Variants in COL27A1 observed in about 807,000 individuals in gnomAD.
The protein encoded by COL27A1 is collagen alpha-1(XXVII) chain.
In COL27A1, 106 loss-of-function variants were observed where a neutral mutation model predicts 251.3. The ratio of observed to expected loss-of-function variants is 0.42; its 90% CI spans 0.36 to 0.50. The LOEUF is 0.50. Among genes scored for constraint, COL27A1 ranks in the 20% least tolerant of loss-of-function variants. COL27A1 has a pLI of 0.00. For synonymous variants in COL27A1, 1,000 were observed against 986.3 expected (o/e 1.01, Z -0.26); for missense variants, 2,325 against 2,522.8 (o/e 0.92, Z 1.68).
Position 114,310,636 on chromosome 9 carries a change from C to T in COL27A1, c.5524C>T (p.Pro1842Ser), listed in dbSNP as rs754742439. 34 of 1,614,216 alleles carry T rather than the reference C, an allele frequency of 2.1e-5. No individual in the cohort carries two copies. The highest frequency in any genetic ancestry group is 2.4e-5 in the Non-Finnish European group (28 of 1,180,038). Residue 1842 changes from proline (P) to serine (S), a missense_variant, in exon 61 of 61, where the codon CCT becomes TCT. Physicochemically the swap from Pro to Ser is moderately conservative, Grantham distance 74. Coordinates refer to ENST00000356083, the MANE Select transcript of COL27A1 (RefSeq NM_032888.4). ...GCCCATCATCAGTGTGGACAACCTC[C>T]CTCCTGCCTCATCAGGGAAGCAGTA... ...QLPIISVDNLPPASSGKQYRL... is the reference protein window; with the variant it reads ...QLPIISVDNLSPASSGKQYRL...
rs369582550 is a variant in COL27A1, at chr9:114,235,576, C to T, written c.2566-23C>T. 14 of 1,608,646 alleles carry T rather than the reference C, an allele frequency of 8.7e-6. No homozygotes were observed. In the African/African-American group the frequency reaches 1.9e-4, roughly 22 times the overall value. ...GAACCCACGTGGCCTCCATTGTAAC[C>T]TTCTTTGCTGGTGTGTACTTAGGGT... On this transcript the variant is annotated intron_variant, in intron 16 of 60. Transcript: ENST00000356083.
At position 114,168,820 on chromosome 9, in the gene COL27A1, C is replaced by T; in HGVS notation, c.1265C>T (p.Ala422Val). 4 of 1,614,056 alleles carry T rather than the reference C, an allele frequency of 2.5e-6. No homozygotes were observed. The highest frequency in any genetic ancestry group is 3.4e-6 in the Non-Finnish European group (4 of 1,180,026). Residue 422 changes from alanine (A) to valine (V), a missense_variant, in exon 3 of 61, where the codon GCA becomes GTA. Ala to Val is a moderately conservative substitution (Grantham distance 64). Coordinates refer to ENST00000356083, the MANE Select transcript of COL27A1 (RefSeq NM_032888.4). ...GTTCCTGCCAGAGTCTCCCGTCCCG[C>T]AGAGAAGCCCATCCAGAGGAACCCG... ...RPVPARVSRP[A>V]EKPIQRNPGM...
intron 34 of COL27A1, among the ~76,000 whole-genome samples, chr9:114,268,132 C>T (rs1387140752): frequency 1.3e-5 from 2 of 152,216 alleles, no homozygotes; most frequent in Non-Finnish European, 2.9e-5. Flanking sequence ...GTCCCAAAAT[C>T]CCTTGCTCAA....
rs200504966 is a variant in COL27A1 at position 114,206,303 on chromosome 9, G to T, written c.2268+7G>T. 6 of 1,614,118 alleles carry T rather than the reference G, an allele frequency of 3.7e-6. No individual in the cohort carries two copies. In the African/African-American group the frequency reaches 5.3e-5, roughly 14 times the overall value. On this transcript the variant is annotated splice_region_variant and intron_variant, in intron 10 of 60. Coordinates refer to ENST00000356083, the MANE Select transcript of COL27A1 (RefSeq NM_032888.4). ...CGGCCCCAAAGGCAGCAGGGTAAGT[G>T]GTTCCTGGCCAGTGCCACATGGGTG...
At chr9:114,237,099 G>A in intron 18 of COL27A1, 65 bp downstream of exon 18, 1 of 1,455,316 alleles carries the variant, frequency 6.9e-7, no homozygotes, top group African/African-American at 1.4e-5. Context: ...TAATGTGGCT[G>A]GGGACACCTT....
chr9:114,307,455 T>C (rs1006706527), intron 58 of COL27A1: 1 of 565,030 alleles, frequency 1.8e-6, no homozygotes, highest in Non-Finnish European at 3.2e-6. Context: ...TACTTAGCCA[T>C]GTGACCCCTC....
chr9:114,286,269 C>T (rs1339347975), intron 41 of COL27A1, among the ~76,000 whole-genome samples: 1 of 152,190 alleles, frequency 6.6e-6, no homozygotes, highest in Non-Finnish European at 1.5e-5. Flanking sequence ...GTGCAGAGTT[C>T]TTTCCCTGCC....
intron 51 of COL27A1, 148 bp from the exon 52 acceptor site, chr9:114,300,924 A>C (rs1332679790): frequency 3.7e-6 from 3 of 820,140 alleles, no homozygotes; most frequent in Non-Finnish European, 5.8e-6. Flanking sequence ...GGCACAAATG[A>C]GGGGCTCAGG....
intron 10 of COL27A1, 125 bp from the exon 11 acceptor site, chr9:114,209,550 A>G: frequency 1.1e-6 from 1 of 888,746 alleles, no homozygotes; most frequent in Non-Finnish European, 1.9e-6. Flanking sequence ...CGGAGCTGCC[A>G]CTGCCACCAG....
chr9:114,306,259 C>G (rs928424956), intron 57 of COL27A1: 5 of 391,936 alleles, frequency 1.3e-5, no homozygotes, highest in Non-Finnish European at 2.3e-5. Flanking sequence ...TCACGGGGCT[C>G]TGCCTGTCCC....
intron 18 of COL27A1, 27 bp from the exon 19 acceptor site, chr9:114,237,635 C>G: frequency 6.2e-7 from 1 of 1,610,514 alleles, no homozygotes. Flanking sequence ...TCACCCCTGC[C>G]TCCCTGCAAC....
intron 23 of COL27A1, among the ~76,000 whole-genome samples, chr9:114,243,924 CATTTTT>C (rs1832936877): frequency 1.4e-5 from 2 of 138,082 alleles, no homozygotes; most frequent in African/African-American, 5.6e-5. Context: ...TTTTTTCTTT[CATTTTT>C]TTTTTTTTTT....
At chr9:114,301,156 G>C (rs771461934) in intron 52 of COL27A1, 31 bp downstream of exon 52, 2 of 1,613,468 alleles carry the variant, frequency 1.2e-6, no homozygotes, top group Non-Finnish European at 1.7e-6. Flanking sequence ...GGAAGACTCC[G>C]GGGTCCCCTT....
At chr9:114,281,700 TG>T (rs1835921076) in intron 37 of COL27A1, among the ~76,000 whole-genome samples, 1 of 152,118 alleles carries the variant, frequency 6.6e-6, no homozygotes, top group African/African-American at 2.4e-5. Context: ...ATGTCATCAG[TG>T]GGGACCATGA....
At chr9:114,192,002 C>G (rs888359073) in intron 5 of COL27A1, among the ~76,000 whole-genome samples, 4 of 152,188 alleles carry the variant, frequency 2.6e-5, no homozygotes, top group Non-Finnish European at 2.9e-5. Flanking sequence ...ATGGCATTCC[C>G]TGTCTTCTGT....
Position 114,209,161 on chromosome 9 carries a change from T to C in COL27A1, c.2269-514T>C, listed in dbSNP as rs1324163969. Among the ~76,000 whole-genome samples, 5 of 152,182 alleles carry C rather than the reference T, an allele frequency of 3.3e-5. No homozygotes were observed. The East Asian group carries it at 9.6e-4, about 29-fold the overall frequency. On this transcript the variant is annotated intron_variant, in intron 10 of 60. Coordinates refer to ENST00000356083, the MANE Select transcript of COL27A1 (RefSeq NM_032888.4). ...CTTGTGAGAGTCTAATGTGGTAGCA[T>C]GCATGTGCCTGGCACAATGTTGGCA...
At chr9:114,308,462 T>C (rs1346820139) in intron 59 of COL27A1, among the ~76,000 whole-genome samples, 5 of 152,192 alleles carry the variant, frequency 3.3e-5, no homozygotes, top group Admixed American at 6.5e-5. Context: ...AGTTTGAGAA[T>C]CTCTAGGAGA....
At chr9:114,234,245 T>G (rs1472683155) in intron 16 of COL27A1, among the ~76,000 whole-genome samples, 1 of 146,056 alleles carries the variant, frequency 6.8e-6, no homozygotes, top group African/African-American at 2.5e-5. Flanking sequence ...GTCCTGTGGT[T>G]CCCCAAATAC....
In COL27A1 at chr9:114,167,771, G is replaced by A. The variant is rs201660579; in HGVS notation, c.216G>A (p.Ser72=). The A allele has an allele frequency of 3.3e-4, 534 of 1,613,734 alleles. 2 individuals are homozygous for A. In the South Asian group the frequency reaches 5.5e-3, roughly 17 times the overall value. The part of the protein sequence containing the change: ...PAPPGVIPFQ[S]GFIFTQRARL... ...CCCCGGGAGTCATTCCTTTCCAGTC[G>A]GGCTTCATCTTTACGCAGCGGGCCC... is the stretch of plus-strand genomic sequence containing the variant. The change falls in exon 3 of 61, where the codon TCG becomes TCA. Residue 72 remains serine, a synonymous_variant. Coordinates refer to ENST00000356083, the MANE Select transcript of COL27A1 (RefSeq NM_032888.4).
Sources: gnomAD v4.1 joint callset for allele counts (sites outside exome capture counted in the v4.1 genomes callset) on GRCh38, gnomAD v4.1.1 for gene constraint, MANE v1.5 for transcripts, NCBI Gene and HGNC (gene_info 2026-07-23, HGNC 2026-07-21) for gene names.